The following ROR1 variants were observed in gnomAD, a reference collection of about 807,000 sequenced individuals.
ROR1 encodes inactive tyrosine-protein kinase transmembrane receptor ROR1.
A neutral mutation model predicts 78.8 loss-of-function variants in ROR1; 19 were observed. The ratio of observed to expected loss-of-function variants is 0.24; its 90% CI spans 0.17 to 0.35. ROR1 has a LOEUF of 0.35. Among genes scored for constraint, ROR1 ranks in the 10% least tolerant of loss-of-function variants. The pLI is 1.00. For missense variants in ROR1, 917 were observed against 1,177.8 expected (o/e 0.78, Z 3.24); for synonymous variants, 386 against 433.6 (o/e 0.89, Z 1.36).
At chr1:64,148,353 A>G (rs1485865821) in intron 7 of ROR1, among the ~76,000 whole-genome samples, 2 of 152,194 alleles carry the variant, frequency 1.3e-5, no homozygotes, top group African/African-American at 4.8e-5. Flanking sequence ...GTGTGTAAAC[A>G]GATAAAACTT....
At chr1:63,970,318 G>C (rs143427661) in intron 1 of ROR1, among the ~76,000 whole-genome samples, 1 of 152,256 alleles carries the variant, frequency 6.6e-6, no homozygotes. Context: ...ACCACTTTTT[G>C]TGTTTCTAGA....
chr1:64,132,523 G>A (rs1035146676), intron 4 of ROR1, among the ~76,000 whole-genome samples: 1 of 152,084 alleles, frequency 6.6e-6, no homozygotes, highest in African/African-American at 2.4e-5. Context: ...ACTTTGGGAA[G>A]CCAAGGCAGG....
intron 1 of ROR1, among the ~76,000 whole-genome samples, chr1:63,877,801 CAG>C (rs947461088): frequency 1.3e-5 from 2 of 152,044 alleles, no homozygotes; most frequent in Non-Finnish European, 2.9e-5. Flanking sequence ...GGGGGGGAAA[CAG>C]TGAATGAATG....
At chr1:64,010,663 A>G (rs1448069263) in intron 2 of ROR1, among the ~76,000 whole-genome samples, 1 of 152,120 alleles carries the variant, frequency 6.6e-6, no homozygotes, top group African/African-American at 2.4e-5. Context: ...CCCCACCCAA[A>G]TCTCATCTTG....
rs1646458164 is a variant in ROR1 at position 64,009,442 on chromosome 1, G to GA, written c.163+67dup. The GA allele has an allele frequency of 1.1e-5, 14 of 1,225,424 alleles. No individual in the cohort carries two copies. In the South Asian group the frequency reaches 1.6e-4, roughly 14 times the overall value. The allele number at this position is 1,225,424 out of a possible 1,614,324, so 75.9% of individuals were successfully genotyped here. A position where few individuals can be genotyped will look rare whatever the true frequency, so the allele number is the denominator to read the frequency against. On this transcript the variant is annotated intron_variant, in intron 2 of 8. Coordinates refer to ENST00000371079, the MANE Select transcript of ROR1 (RefSeq NM_005012.4). ...GTGGAACTGTTTTTAATCCTGGCAT[G>GA]ACCTTCTTTGAAATCAACTGTTTTT...
rs754226806 is a variant in ROR1 at position 64,005,186 on chromosome 1, G to A, written c.92-4119G>A. Among the ~76,000 whole-genome samples, 2 of 152,156 alleles carry A rather than the reference G, an allele frequency of 1.3e-5. 1 individual carries two copies. Among genetic ancestry groups the A allele is most frequent in the South Asian group, 4.2e-4 (2 of 4,818 alleles). Reference sequence around the variant, plus strand: ...ACCAAGTACATCCATGCAGAGGATGGCCACTGTCTGCCTTACTAGACAAAG... The same window carrying A: ...ACCAAGTACATCCATGCAGAGGATGACCACTGTCTGCCTTACTAGACAAAG... On this transcript the variant is annotated intron_variant, in intron 1 of 8. Transcript: ENST00000371079.
chr1:63,791,924 A>G (rs1644729261), intron 1 of ROR1, among the ~76,000 whole-genome samples: 1 of 152,148 alleles, frequency 6.6e-6, no homozygotes, highest in Non-Finnish European at 1.5e-5. Flanking sequence ...CTCAACAGAT[A>G]TTTACGTGGC....
At chr1:63,952,749 C>T (rs1645950902) in intron 1 of ROR1, among the ~76,000 whole-genome samples, 1 of 152,084 alleles carries the variant, frequency 6.6e-6, no homozygotes, top group South Asian at 2.1e-4. Flanking sequence ...TCCAAAATTT[C>T]TGTCTAGGAG....
chr1:64,036,535 T>C (rs1189279971), intron 2 of ROR1, among the ~76,000 whole-genome samples: 1 of 152,198 alleles, frequency 6.6e-6, no homozygotes, highest in Non-Finnish European at 1.5e-5. Flanking sequence ...ATATTTGTGA[T>C]AATCCATGTT....
intron 1 of ROR1, among the ~76,000 whole-genome samples, chr1:63,948,100 TA>T (rs1375018608): frequency 6.6e-6 from 1 of 152,180 alleles, no homozygotes; most frequent in African/African-American, 2.4e-5. Flanking sequence ...ACACAGGTAG[TA>T]AGTTACTGAC....
chr1:64,115,986 G>C (rs1362422098), intron 4 of ROR1, among the ~76,000 whole-genome samples: 2 of 152,152 alleles, frequency 1.3e-5, no homozygotes. Flanking sequence ...TAAAGTGCCG[G>C]ATCATGAAAG....
chr1:63,913,667 G>A (rs1645588022), intron 1 of ROR1, among the ~76,000 whole-genome samples: 1 of 152,042 alleles, frequency 6.6e-6, no homozygotes, highest in Admixed American at 6.6e-5. Context: ...TCTTAGCTGC[G>A]CTCAGTGTGG....
intron 4 of ROR1, among the ~76,000 whole-genome samples, chr1:64,054,544 AT>A (rs1379787701): frequency 2.0e-5 from 3 of 152,336 alleles, no homozygotes; most frequent in Middle Eastern, 3.4e-3. Context: ...TGATACTTAA[AT>A]TTGGAAATGA....
intron 7 of ROR1, among the ~76,000 whole-genome samples, chr1:64,148,202 A>G (rs1380449606): frequency 3.3e-5 from 5 of 152,334 alleles, no homozygotes; most frequent in South Asian, 2.1e-4. Flanking sequence ...ATTATACCCA[A>G]GAAAGAAAAC....
At chr1:64,132,760 CA>C (rs749607703) in intron 4 of ROR1, among the ~76,000 whole-genome samples, 2,844 of 70,368 alleles carry the variant, frequency 0.04, 26 homozygotes, top group South Asian at 0.11. Context: ...GACTCCATCT[CA>C]AAAAAAAAAA....
intron 1 of ROR1, among the ~76,000 whole-genome samples, chr1:63,985,883 A>T (rs539322831): frequency 6.6e-6 from 1 of 152,254 alleles, no homozygotes; most frequent in Admixed American, 6.5e-5. Flanking sequence ...AAAAAATCCA[A>T]AATCTAAAAC....
At chr1:63,849,287 G>C (rs1283126126) in intron 1 of ROR1, among the ~76,000 whole-genome samples, 1 of 152,120 alleles carries the variant, frequency 6.6e-6, no homozygotes, top group Non-Finnish European at 1.5e-5. Flanking sequence ...CAGTTCATTT[G>C]TTTATTGATT....
chr1:63,995,294 A>C (rs559119457), intron 1 of ROR1, among the ~76,000 whole-genome samples: 104 of 152,322 alleles, frequency 6.8e-4, no homozygotes, highest in African/African-American at 2.4e-3. Flanking sequence ...CTTAAATAGC[A>C]GTTGTTATTA....
At chr1:63,813,590 A>G (rs181731023) in intron 1 of ROR1, among the ~76,000 whole-genome samples, 43 of 152,322 alleles carry the variant, frequency 2.8e-4, no homozygotes, top group African/African-American at 1.0e-3. Flanking sequence ...TAGATGCTCA[A>G]TGAACATTTG....
Sources: allele counts gnomAD v4.1 joint callset (sites outside exome capture counted in the v4.1 genomes callset), GRCh38; gene constraint gnomAD v4.1.1; transcripts MANE v1.5; gene names NCBI Gene and HGNC (gene_info 2026-07-23, HGNC 2026-07-21).